NDRG3: variants seen among roughly 807,000 people sequenced by gnomAD.
NDRG3 encodes the protein NDRG family member 3, also known as protein NDRG3.
In NDRG3, 23 loss-of-function variants were observed where a neutral mutation model predicts 57.2. The observed-to-expected ratio is 0.40, with a 90% CI of 0.29 to 0.57. The LOEUF is 0.57. NDRG3 is among the 20% of genes least tolerant of loss of function. The pLI is 0.42. For missense variants in NDRG3, 384 were observed against 457.3 expected, an observed-to-expected ratio of 0.84 and a Z score of 1.46; for synonymous variants, 132 against 162.6, an observed-to-expected ratio of 0.81 and a Z score of 1.43.
chr20:36,740,305 G>A (rs1315132217), intron 1 of NDRG3, among the ~76,000 whole-genome samples: 1 of 152,198 alleles, frequency 6.6e-6, no homozygotes, highest in Non-Finnish European at 1.5e-5. Flanking sequence ...ATGCAAAGAA[G>A]CCGGATTCCT....
At chr20:36,741,397 ATGTT>A (rs1032916481) in intron 1 of NDRG3, among the ~76,000 whole-genome samples, 2 of 152,176 alleles carry the variant, frequency 1.3e-5, no homozygotes, top group Non-Finnish European at 2.9e-5. Context: ...CACTCTAAAA[ATGTT>A]TGTTGGATGA....
chr20:36,711,838 G>GGT, intron 2 of NDRG3, among the ~76,000 whole-genome samples: 2 of 152,038 alleles, frequency 1.3e-5, no homozygotes. Flanking sequence ...CAGTTGCAGT[G>GGT]GCACGATCTT....
At chr20:36,740,308 G>A (rs1241450962) in intron 1 of NDRG3, among the ~76,000 whole-genome samples, 3 of 152,142 alleles carry the variant, frequency 2.0e-5, no homozygotes, top group Non-Finnish European at 4.4e-5. Flanking sequence ...CAAAGAAGCC[G>A]GATTCCTCCA....
At chr20:36,739,451 A>T (rs1035361293) in intron 1 of NDRG3, among the ~76,000 whole-genome samples, 1 of 138,674 alleles carries the variant, frequency 7.2e-6, no homozygotes, top group Non-Finnish European at 1.6e-5. Flanking sequence ...CGCCTCAAAA[A>T]AAAAGAAAAA....
At chr20:36,728,169 T>C (rs2148210442) in intron 1 of NDRG3, among the ~76,000 whole-genome samples, 1 of 152,094 alleles carries the variant, frequency 6.6e-6, no homozygotes, top group South Asian at 2.1e-4. Flanking sequence ...TTCTCCTGCC[T>C]CAGCCTCCCG....
chr20:36,703,132 C>T (rs1338678962), intron 3 of NDRG3, among the ~76,000 whole-genome samples: 1 of 152,042 alleles, frequency 6.6e-6, no homozygotes. Flanking sequence ...TCTGATTATA[C>T]ACAAAATAAG....
At chr20:36,733,129 G>A (rs557666133) in intron 1 of NDRG3, among the ~76,000 whole-genome samples, 4 of 114,150 alleles carry the variant, frequency 3.5e-5, no homozygotes, top group Non-Finnish European at 6.7e-5. Flanking sequence ...CCTGGGTGAC[G>A]GAACACGATC....
chr20:36,695,744 C>G lies in NDRG3; in HGVS notation c.94-6960G>C, dbSNP rs577500722. Among the ~76,000 whole-genome samples the G allele has an allele frequency of 1.2e-4, 18 of 152,330 alleles. No homozygotes were observed. In the East Asian group the frequency reaches 3.5e-3, roughly 29 times the overall value. On this transcript the variant is annotated intron_variant, in intron 3 of 15. Coordinates refer to ENST00000349004, the MANE Select transcript of NDRG3 (RefSeq NM_032013.4). ...ACAGCGGGACATGGAACTTCATCAA[C>G]AATTCTAGTTTCGCCCTGGCCTTGT...
intron 7 of NDRG3, among the ~76,000 whole-genome samples, chr20:36,681,873 T>A (rs780242597): frequency 6.6e-6 from 1 of 151,792 alleles, no homozygotes; most frequent in Non-Finnish European, 1.5e-5. Context: ...AATTTTTGTA[T>A]TTTTAGTGGA....
At position 36,656,273 on chromosome 20, in the gene NDRG3, T is replaced by C. The variant is rs1600847400; in HGVS notation, c.946+87A>G. On this transcript the variant is annotated intron_variant, in intron 15 of 15. Coordinates refer to ENST00000349004, the MANE Select transcript of NDRG3 (RefSeq NM_032013.4). ...TTAAGGCTAGCTGCCACAGAGGTTA[T>C]ATCTCAAGAATTGTGGGCTCCCAGA... The C allele has an allele frequency of 1.4e-5, 18 of 1,297,320 alleles. No individual in the cohort carries two copies. The East Asian group carries it at 3.5e-4, about 25-fold the overall frequency. 80.4% of individuals were successfully genotyped at this position (1,297,320 alleles called of 1,614,324 possible).
At chr20:36,740,629 A>T (rs925669946) in intron 1 of NDRG3, among the ~76,000 whole-genome samples, 1 of 152,218 alleles carries the variant, frequency 6.6e-6, no homozygotes, top group African/African-American at 2.4e-5. Context: ...GGCGTGAGCC[A>T]CCACACCTGG....
At chr20:36,708,258 C>T (rs1983661777) in intron 2 of NDRG3, among the ~76,000 whole-genome samples, 1 of 152,156 alleles carries the variant, frequency 6.6e-6, no homozygotes, top group Admixed American at 6.5e-5. Context: ...AGGTTCCTAA[C>T]AGCTTCCCAA....
At position 36,703,554 on chromosome 20, in the gene NDRG3, T is replaced by C. The variant is rs2148162778; in HGVS notation, c.93+3418A>G. Reference sequence around the variant, plus strand: ...AAACTCCTGGGCTCAAGCAATCCGCTTGCCTCAGCCTCCCAAAGTGCTGGG... The same window carrying C: ...AAACTCCTGGGCTCAAGCAATCCGCCTGCCTCAGCCTCCCAAAGTGCTGGG... On this transcript the variant is annotated intron_variant, in intron 3 of 15. Coordinates refer to ENST00000349004, the MANE Select transcript of NDRG3 (RefSeq NM_032013.4). Among the ~76,000 whole-genome samples the C allele has an allele frequency of 2.0e-5, 3 of 151,826 alleles. No homozygotes were observed. The South Asian group carries it at 6.3e-4, about 32-fold the overall frequency.
rs1978684606 is a variant in NDRG3, at chr20:36,656,498, T to A, written c.893A>T (p.Gln298Leu). The A allele has an allele frequency of 1.2e-6, 2 of 1,614,162 alleles. No homozygotes were observed. Among genetic ancestry groups the A allele is most frequent in the South Asian group, 1.1e-5 (1 of 91,078 alleles). Residue 298 changes from glutamine to leucine, a missense_variant and splice_region_variant, in exon 14 of 16, where the codon CAG becomes CTG. Transcript: ENST00000349004. ...GTGTTTAAAAAAAATTCTCCTTACC[T>A]GAACTACCTGGGGCAGTCCCCCACA... ...ADCGGLPQVVQPGKLTEAFKY... is the reference protein window; with the variant it reads ...ADCGGLPQVVLPGKLTEAFKY...
At chr20:36,721,934 C>A in intron 1 of NDRG3, 151 bp from the exon 2 acceptor site, 1 of 536,794 alleles carries the variant, frequency 1.9e-6, no homozygotes, top group Non-Finnish European at 3.3e-6. Flanking sequence ...GGCAGATAGA[C>A]ACTAACCTGG....
intron 1 of NDRG3, among the ~76,000 whole-genome samples, chr20:36,744,958 G>C: frequency 8.1e-6 from 1 of 123,542 alleles, no homozygotes; most frequent in Non-Finnish European, 1.7e-5. Context: ...TCCCCTGAGG[G>C]CCAGGGTAAG....
rs1262222553 is a variant in NDRG3 at position 36,681,258 on chromosome 20, G to GT, written c.445-357dup. Among the ~76,000 whole-genome samples the GT allele has an allele frequency of 1.1e-4, 16 of 151,248 alleles. No homozygotes were observed. In the East Asian group the frequency reaches 2.3e-3, roughly 22 times the overall value. On this transcript the variant is annotated intron_variant, in intron 7 of 15. Transcript: ENST00000349004. ...TTTGTTCTCAACAGAGGCTTCTGAA[G>GT]TTTTTTTTTCTGAAACCATCTGAAC...
chr20:36,683,599 G>C (rs1273406171), intron 6 of NDRG3, among the ~76,000 whole-genome samples: 2 of 150,314 alleles, frequency 1.3e-5, no homozygotes, highest in Non-Finnish European at 3.0e-5. Context: ...CCTGGGTGAT[G>C]GAGTGAAACT....
intron 15 of NDRG3, among the ~76,000 whole-genome samples, chr20:36,655,482 G>A (rs1978574846): frequency 1.3e-5 from 2 of 152,326 alleles, no homozygotes. Context: ...AAGAGACCAG[G>A]ACAATGGCAT....
Sources: allele counts gnomAD v4.1 joint callset (sites outside exome capture counted in the v4.1 genomes callset), GRCh38; gene constraint gnomAD v4.1.1; transcripts MANE v1.5; gene names NCBI Gene and HGNC (gene_info 2026-07-23, HGNC 2026-07-21).